Variants in EXOC7 observed in about 807,000 individuals in gnomAD.
EXOC7 encodes the protein exocyst complex component 7.
In EXOC7, 51 loss-of-function variants were observed where a neutral mutation model predicts 87.6. The ratio of observed to expected loss-of-function variants is 0.58; its 90% confidence interval spans 0.46 to 0.73. The LOEUF (loss-of-function observed/expected upper bound fraction) is 0.73. EXOC7 is among the 30% of genes least tolerant of loss of function. The pLI is 0.00. For missense variants in EXOC7, 744 were observed against 888.4 expected (o/e 0.84, Z 2.07); for synonymous variants, 327 against 357.1 (o/e 0.92, Z 0.95).
At chr17:76,084,754 T>C in intron 15 of EXOC7, 174 bp from the exon 16 acceptor site, 2 of 612,772 alleles carry the variant, frequency 3.3e-6, no homozygotes, top group Non-Finnish European at 2.9e-6. Context: ...TTTAAACTGG[T>C]CACTTTTTGA....
chr17:76,082,552 T>C lies in EXOC7; in HGVS notation c.*1096A>G, dbSNP rs749628278. ...CCTCGTGTATGTGGTTGGGGTGCTG[T>C]GCACCCAATTCGTCTTTGCAGGAAT... is the stretch of plus-strand genomic sequence containing the variant. On this transcript the variant is annotated 3_prime_UTR_variant, in exon 19 of 19. Transcript: ENST00000589210. 10 of 1,613,762 alleles carry C rather than the reference T, an allele frequency of 6.2e-6. No individual in the cohort carries two copies. In the South Asian group the frequency reaches 9.9e-5, roughly 16 times the overall value.
chr17:76,088,138 C>T lies in EXOC7; in HGVS notation c.1300-16G>A, dbSNP rs921855074. 1.2e-6 allele frequency: 2 copies of T among 1,613,236 alleles called. No homozygotes were observed. The highest frequency in any genetic ancestry group is 1.7e-6 in the Non-Finnish European group (2 of 1,179,668). On this transcript the variant is annotated splice_polypyrimidine_tract_variant and intron_variant, in intron 10 of 18. Coordinates refer to ENST00000589210, the MANE Select transcript of EXOC7 (RefSeq NM_001013839.4). ...CCGGGTCATTCTGTGGAAAAACAGC[C>T]TCTGGTTCCCTGAAGCAGCCCCCAG...
intron 5 of EXOC7, 94 bp from the exon 6 acceptor site, chr17:76,094,675 C>G (rs2067662732): frequency 1.6e-6 from 2 of 1,283,018 alleles, no homozygotes; most frequent in African/African-American, 3.0e-5. Context: ...GTCAACCCTT[C>G]TTAGCATCTG....
intron 5 of EXOC7, among the ~76,000 whole-genome samples, chr17:76,095,016 A>G (rs2067682584): frequency 6.6e-6 from 1 of 151,822 alleles, no homozygotes; most frequent in South Asian, 2.1e-4. Context: ...GCTGGAGTGC[A>G]GTGGTGTGAT....
chr17:76,086,784 C>A lies in EXOC7; in HGVS notation c.1430-639G>T. The A allele has an allele frequency of 2.1e-6, 3 of 1,406,216 alleles. No homozygotes were observed. In the South Asian group the frequency reaches 3.7e-5, roughly 17 times the overall value. 87.1% of individuals were successfully genotyped at this position (1,406,216 alleles called of 1,614,324 possible). On this transcript the variant is annotated intron_variant, in intron 12 of 18. Transcript: ENST00000589210. ...AGGCTCCCCAGTAGGTACTGAGAGT[C>A]AGTCCCCAGGGAACCTCACCCACCA...
Position 76,089,459 on chromosome 17 carries a change from A to G in EXOC7, c.902-139T>C, listed in dbSNP as rs556445697. 1.1e-3 allele frequency: 1,290 copies of G among 1,132,316 alleles called. 4 individuals carry two copies. The highest frequency in any genetic ancestry group is 1.4e-3 in the Non-Finnish European group (1,160 of 806,626). 70.1% of individuals were successfully genotyped at this position (1,132,316 alleles called of 1,614,324 possible). On this transcript the variant is annotated intron_variant, in intron 7 of 18. Transcript: ENST00000589210. ...GAAGAGGCTGACTGTTCTGGCAGAA[A>G]GCTGCAAGGGAGCCAGCAGGCCCCG... is the stretch of plus-strand genomic sequence containing the variant.
chr17:76,096,210 G>A (rs1028951269), intron 5 of EXOC7, among the ~76,000 whole-genome samples: 2 of 152,154 alleles, frequency 1.3e-5, no homozygotes, highest in African/African-American at 4.8e-5. Context: ...GAGAAGAGTT[G>A]GAGGGCTAAA....
Position 76,088,561 on chromosome 17 carries a change from C to CA in EXOC7, c.1201_1202insT (p.Gly401ValfsTer35). ...CTTGTTCTTTGTGCTGGCAGCCGTGCCCTGAGGAAGCACAGGGGAGCCCCC... is the reference window on the plus strand; with the variant it reads ...CTTGTTCTTTGTGCTGGCAGCCGTGCACCTGAGGAAGCACAGGGGAGCCCCC... On this transcript the variant is annotated frameshift_variant and splice_region_variant, in exon 10 of 19. Coordinates refer to ENST00000589210, the MANE Select transcript of EXOC7 (RefSeq NM_001013839.4). LOFTEE classifies it high-confidence loss of function. The CA allele has an allele frequency of 6.2e-7, 1 of 1,612,950 alleles. No homozygotes were observed. Among genetic ancestry groups the CA allele is most frequent in the Non-Finnish European group, 8.5e-7 (1 of 1,179,586 alleles).
Position 76,102,810 on chromosome 17 carries a change from C to T in EXOC7, c.126+551G>A, listed in dbSNP as rs139495320. 8.2e-3 allele frequency among the ~76,000 whole-genome samples: 1,245 copies of T among 152,290 alleles called. 18 individuals are homozygous for T. Among genetic ancestry groups the T allele is most frequent in the African/African-American group, 0.029 (1,187 of 41,556 alleles). On this transcript the variant is annotated intron_variant, in intron 2 of 18. Transcript: ENST00000589210. ...CAGTCGCATGCATTAGCGCATATGA[C>T]CTTCACAGACACACTGGGAGGCTGG...
intron 2 of EXOC7, among the ~76,000 whole-genome samples, chr17:76,102,748 T>C (rs1251621659): frequency 1.3e-5 from 2 of 152,250 alleles, no homozygotes; most frequent in African/African-American, 2.4e-5. Flanking sequence ...AACTCACTTA[T>C]TGAGCACCTA....
chr17:76,094,274 G>C, intron 6 of EXOC7, 140 bp downstream of exon 6: 1 of 877,136 alleles, frequency 1.1e-6, no homozygotes, highest in African/African-American at 1.7e-5. Context: ...CTTGCTTTCT[G>C]TCCTGTGTAC....
chr17:76,083,917 C>T, intron 18 of EXOC7, 89 bp downstream of exon 18: 1 of 1,486,580 alleles, frequency 6.7e-7, no homozygotes. Flanking sequence ...ATCCACCACC[C>T]TTCTCCTTTT....
In EXOC7 at chr17:76,097,934, C is replaced by A; in HGVS notation, c.502G>T (p.Val168Leu). 1 of 1,614,024 alleles carries A rather than the reference C, an allele frequency of 6.2e-7. No homozygotes were observed. The change falls in exon 5 of 19, where the codon GTG (valine) becomes TTG (leucine). Residue 168 changes from valine to leucine, a missense_variant. Coordinates refer to ENST00000589210, the MANE Select transcript of EXOC7 (RefSeq NM_001013839.4). ...MTRHSKVVSP[V>L]LILDLISGDD... is the part of the protein sequence containing the mutation. ...CCACTGATCAGATCCAAGATGAGCA[C>A]GGGCGAGACGACCTTACTGTGCCGC... is the stretch of plus-strand genomic sequence containing the variant.
chr17:76,082,110 G>A lies in EXOC7; in HGVS notation c.*1538C>T. ...GGTGCACACCTAGGGCTGGGGTGAG[G>A]GCACGGAGGTCCAGGTGTGGGTAGA... On this transcript the variant is annotated 3_prime_UTR_variant, in exon 19 of 19. Coordinates refer to ENST00000589210, the MANE Select transcript of EXOC7 (RefSeq NM_001013839.4). 1 of 1,521,088 alleles carries A rather than the reference G, an allele frequency of 6.6e-7. No individual in the cohort carries two copies. The allele number at this position is 1,521,088 out of a possible 1,614,324, so 94.2% of individuals were successfully genotyped here.
chr17:76,081,775 C>T lies in EXOC7; in HGVS notation c.*1873G>A. ...TGCTCAGTAAGCCCTGCTCCCTTAC[C>T]CAGTCTGCCCTGTTTCTCCCCGGTC... On this transcript the variant is annotated 3_prime_UTR_variant, in exon 19 of 19. Transcript: ENST00000589210. The T allele has an allele frequency of 6.2e-7, 1 of 1,613,942 alleles. No homozygotes were observed. Among genetic ancestry groups the T allele is most frequent in the Non-Finnish European group, 8.5e-7 (1 of 1,179,902 alleles).
In EXOC7 at chr17:76,088,050, C is replaced by T. The variant is rs373976994; in HGVS notation, c.1362+10G>A. On this transcript the variant is annotated intron_variant, in intron 11 of 18. Coordinates refer to ENST00000589210, the MANE Select transcript of EXOC7 (RefSeq NM_001013839.4). ...CTCCCCTCTCCCTGGTGTCCTCAGG[C>T]AGCACCCACATTGCTGGTGAGCTCG... 1.2e-6 allele frequency: 2 copies of T among 1,613,882 alleles called. No individual in the cohort carries two copies. Among genetic ancestry groups the T allele is most frequent in the East Asian group, 2.2e-5 (1 of 44,892 alleles).
At chr17:76,091,515 C>T (rs1297738957) in intron 6 of EXOC7, 1 of 389,786 alleles carries the variant, frequency 2.6e-6, no homozygotes, top group Admixed American at 4.1e-5. Flanking sequence ...CAAGATCCAC[C>T]AGGAGAAGTC....
Position 76,089,291 on chromosome 17 carries a change from C to T in EXOC7, c.931G>A (p.Asp311Asn), listed in dbSNP as rs749692124. ...GCACTGACGCAGTGGATGTAGGCATCGGTCTCCACGTCCAGCATGTCATCT... is the reference window on the plus strand; with the variant it reads ...GCACTGACGCAGTGGATGTAGGCATTGGTCTCCACGTCCAGCATGTCATCT... ...GRDDMLDVET[D>N]AYIHCVSAFV... Residue 311 changes from aspartate to asparagine, a missense_variant, in exon 8 of 19, where the codon GAT becomes AAT. This residue lies in a region of EXOC7 where 512 missense variants were observed against 573.0 expected (regional missense o/e 0.89). Coordinates refer to ENST00000589210, the MANE Select transcript of EXOC7 (RefSeq NM_001013839.4). 127 of 1,613,942 alleles carry T rather than the reference C, an allele frequency of 7.9e-5. No homozygotes were observed. The East Asian group carries it at 1.2e-3, about 15-fold the overall frequency.
chr17:76,082,454 T>A lies in EXOC7; in HGVS notation c.*1194A>T. On this transcript the variant is annotated 3_prime_UTR_variant, in exon 19 of 19. Coordinates refer to ENST00000589210, the MANE Select transcript of EXOC7 (RefSeq NM_001013839.4). ...AGAACAGCTCCTTTCCCTGTATCTC[T>A]CCCCACAGAGCCCTCCAGAGGAGTA... 6.3e-7 allele frequency: 1 copy of A among 1,595,590 alleles called. No individual in the cohort carries two copies. Among genetic ancestry groups the A allele is most frequent in the African/African-American group, 1.3e-5 (1 of 74,362 alleles).
Sources: gnomAD v4.1 joint callset for allele counts (sites outside exome capture counted in the v4.1 genomes callset) on GRCh38, gnomAD v4.1.1 for gene constraint, gnomAD v4.1.1 regional missense constraint, MANE v1.5 for transcripts, NCBI Gene and HGNC (gene_info 2026-07-23, HGNC 2026-07-21) for gene names.